The following GALNT13 variants were observed in gnomAD, a reference collection of about 807,000 sequenced individuals.
GALNT13 encodes UDP-GalNAc:polypeptide N-acetylgalactosaminyltransferase 13.
GALNT13 carries 28 observed loss-of-function variants against 64.2 expected under a neutral mutation model. That is an observed-to-expected ratio of 0.44 (90% CI 0.32 to 0.60). The LOEUF is 0.60. GALNT13 is among the 20% of genes least tolerant of loss of function. The probability of loss-of-function intolerance (pLI) is 0.05; values close to 1 mark genes in which losing one functional copy is unlikely to be tolerated. For missense variants in GALNT13, 577 were observed against 669.8 expected (o/e 0.86, Z 1.53); for synonymous variants, 214 against 224.6 (o/e 0.95, Z 0.42).
the GALNT13 span, among the ~76,000 whole-genome samples, chr2:153,668,629 C>T: frequency 2.0e-5 from 3 of 152,068 alleles, no homozygotes; most frequent in African/African-American, 4.8e-5. Context: ...AGCTGGGAAC[C>T]AAGCACAGGG....
At chr2:154,033,302 G>T (rs957340669) in intron 3 of GALNT13, among the ~76,000 whole-genome samples, 1 of 151,744 alleles carries the variant, frequency 6.6e-6, no homozygotes, top group East Asian at 1.9e-4. Flanking sequence ...ATCCATAAAA[G>T]AAAATATAAA....
intron 3 of GALNT13, among the ~76,000 whole-genome samples, chr2:154,027,825 G>A (rs1698077959): frequency 6.6e-6 from 1 of 151,974 alleles, no homozygotes; most frequent in African/African-American, 2.4e-5. Flanking sequence ...CATTTCCTAA[G>A]GCTTAAATGT....
At chr2:153,126,314 A>G in the GALNT13 span, among the ~76,000 whole-genome samples, 1,476 of 25,126 alleles carry the variant, frequency 0.059, 46 homozygotes, top group South Asian at 0.12. Flanking sequence ...ATATATATAT[A>G]TATATATATA....
the GALNT13 span, among the ~76,000 whole-genome samples, chr2:153,317,812 A>C: frequency 6.6e-6 from 1 of 152,182 alleles, no homozygotes; most frequent in Non-Finnish European, 1.5e-5. Flanking sequence ...AAATATGAAA[A>C]TAGGCAATGA....
the GALNT13 span, among the ~76,000 whole-genome samples, chr2:153,073,277 C>G: frequency 1.3e-5 from 2 of 151,856 alleles, no homozygotes; most frequent in Non-Finnish European, 2.9e-5. Context: ...TTGCATCTAG[C>G]AGATTATTCT....
the GALNT13 span, among the ~76,000 whole-genome samples, chr2:153,234,741 A>C: frequency 6.6e-6 from 1 of 152,096 alleles, no homozygotes; most frequent in Non-Finnish European, 1.5e-5. Flanking sequence ...ACTGAGCTTT[A>C]TGATTAGAAT....
intron 1 of GALNT13, among the ~76,000 whole-genome samples, chr2:153,875,791 C>T (rs1051113008): frequency 7.9e-5 from 12 of 152,144 alleles, no homozygotes; most frequent in African/African-American, 2.9e-4. Context: ...TGCTACATAT[C>T]TCTGTTAGGT....
At chr2:153,200,092 A>C in the GALNT13 span, among the ~76,000 whole-genome samples, 1 of 152,174 alleles carries the variant, frequency 6.6e-6, no homozygotes, top group Non-Finnish European at 1.5e-5. Flanking sequence ...GGCTGAGAGA[A>C]ACAAAAAAGA....
At chr2:153,078,481 T>C in the GALNT13 span, among the ~76,000 whole-genome samples, 2 of 151,992 alleles carry the variant, frequency 1.3e-5, no homozygotes, top group African/African-American at 4.8e-5. Context: ...TTGGCTAATT[T>C]TTGTATTTTT....
the GALNT13 span, among the ~76,000 whole-genome samples, chr2:153,842,081 A>G: frequency 1.3e-5 from 2 of 150,560 alleles, no homozygotes; most frequent in South Asian, 2.1e-4. Flanking sequence ...AAAATAGTTT[A>G]TTGTGGAAAA....
At chr2:153,923,736 T>C (rs1211994025) in intron 2 of GALNT13, among the ~76,000 whole-genome samples, 1 of 132,744 alleles carries the variant, frequency 7.5e-6, no homozygotes, top group East Asian at 2.5e-4. Context: ...TTCCCCTTCC[T>C]GTGTCCAAGT....
chr2:153,072,577 G>A, the GALNT13 span, among the ~76,000 whole-genome samples: 7 of 152,140 alleles, frequency 4.6e-5, no homozygotes, highest in Admixed American at 1.3e-4. Flanking sequence ...TCTCTTACAT[G>A]ATATTTAGTC....
the GALNT13 span, among the ~76,000 whole-genome samples, chr2:153,411,594 G>A: frequency 6.6e-6 from 1 of 152,154 alleles, no homozygotes; most frequent in Non-Finnish European, 1.5e-5. Context: ...AAGTTCACTG[G>A]GGTAGTAGCA....
At chr2:153,745,708 G>T in the GALNT13 span, among the ~76,000 whole-genome samples, 1 of 152,038 alleles carries the variant, frequency 6.6e-6, no homozygotes, top group Non-Finnish European at 1.5e-5. Context: ...TTTGTTTGAA[G>T]CTCCTATTTT....
chr2:153,114,875 G>T, the GALNT13 span, among the ~76,000 whole-genome samples: 1 of 151,558 alleles, frequency 6.6e-6, no homozygotes. Context: ...TAGCATAGTA[G>T]TTAAACATTG....
At chr2:154,048,559 G>A (rs1699407263) in intron 3 of GALNT13, among the ~76,000 whole-genome samples, 1 of 152,116 alleles carries the variant, frequency 6.6e-6, no homozygotes. Flanking sequence ...CATCTACAGT[G>A]TAACTCATAA....
chr2:153,773,240 C>T, the GALNT13 span, among the ~76,000 whole-genome samples: 1 of 152,186 alleles, frequency 6.6e-6, no homozygotes, highest in Non-Finnish European at 1.5e-5. Context: ...TTTCTATGCT[C>T]AGTAGCAATG....
At chr2:154,164,777 A>G (rs1263451884) in intron 4 of GALNT13, among the ~76,000 whole-genome samples, 1 of 152,130 alleles carries the variant, frequency 6.6e-6, no homozygotes, top group Admixed American at 6.5e-5. Flanking sequence ...ATTTGAGCAC[A>G]CACATGTGCA....
the GALNT13 span, among the ~76,000 whole-genome samples, chr2:153,723,859 C>T: frequency 1.3e-4 from 19 of 150,790 alleles, 1 homozygote; most frequent in South Asian, 4.2e-4. Flanking sequence ...GAATCAATAT[C>T]GTGAAAATGG....
Sources: allele counts gnomAD v4.1 joint callset (sites outside exome capture counted in the v4.1 genomes callset), GRCh38; gene constraint gnomAD v4.1.1; transcripts MANE v1.5; gene names NCBI Gene and HGNC (gene_info 2026-07-23, HGNC 2026-07-21).